IMMP2L: variants seen among roughly 807,000 people sequenced by gnomAD.
IMMP2L encodes mitochondrial inner membrane protease subunit 2.
Under a neutral mutation model 19.3 loss-of-function variants are expected in IMMP2L, and 18 were observed. The observed-to-expected ratio is 0.93, with a 90% CI of 0.64 to 1.38. The LOEUF (loss-of-function observed/expected upper bound fraction) is 1.38, where lower values mean the gene tolerates loss of function less well. IMMP2L is among the 40% of genes most tolerant of loss of function. The pLI is 0.00. For synonymous variants in IMMP2L, 76 were observed against 73.0 expected (o/e 1.04, Z -0.21); for missense variants, 233 against 218.2 (o/e 1.07, Z -0.43).
chr7:111,060,565 A>T (rs780899948), intron 3 of IMMP2L, among the ~76,000 whole-genome samples: 3 of 152,208 alleles, frequency 2.0e-5, no homozygotes, highest in Non-Finnish European at 4.4e-5. Context: ...TTCTGGCTCC[A>T]GGACTTACTG....
chr7:110,726,186 A>G (rs1795872141), intron 5 of IMMP2L, among the ~76,000 whole-genome samples: 1 of 152,220 alleles, frequency 6.6e-6, no homozygotes, highest in Non-Finnish European at 1.5e-5. Context: ...TGGAGGGAAT[A>G]ATAGCATATC....
Position 110,780,472 on chromosome 7 carries a change from G to C in IMMP2L, c.408+106121C>G, listed in dbSNP as rs376867911. Among the ~76,000 whole-genome samples the C allele has an allele frequency of 4.0e-5, 6 of 151,706 alleles. No individual in the cohort carries two copies. The East Asian group carries it at 9.8e-4, about 25-fold the overall frequency. On this transcript the variant is annotated intron_variant, in intron 5 of 5. Coordinates refer to ENST00000405709, the MANE Select transcript of IMMP2L (RefSeq NM_032549.4). ...GAGCTAATTCCCACATATAAACTGA[G>C]AGTACATTCAGAGGTAAATTTTCAA... is the stretch of plus-strand genomic sequence containing the variant.
intron 3 of IMMP2L, among the ~76,000 whole-genome samples, chr7:110,989,476 G>A (rs1044998394): frequency 3.3e-5 from 5 of 149,562 alleles, no homozygotes; most frequent in Non-Finnish European, 5.9e-5. Flanking sequence ...GAGCCTAGGA[G>A]GTCAAGGATG....
At chr7:111,316,410 C>A (rs1271341251) in intron 3 of IMMP2L, among the ~76,000 whole-genome samples, 1 of 152,000 alleles carries the variant, frequency 6.6e-6, no homozygotes, top group Non-Finnish European at 1.5e-5. Context: ...TAAGAGCCAA[C>A]AAAGTAAAAT....
At chr7:111,264,795 T>A (rs1452917083) in intron 3 of IMMP2L, among the ~76,000 whole-genome samples, 2 of 151,694 alleles carry the variant, frequency 1.3e-5, no homozygotes, top group African/African-American at 4.8e-5. Context: ...TTGGTAAATG[T>A]GGCTCAGGGT....
intron 3 of IMMP2L, among the ~76,000 whole-genome samples, chr7:111,063,347 C>T (rs1175575339): frequency 6.6e-6 from 1 of 152,164 alleles, no homozygotes; most frequent in Non-Finnish European, 1.5e-5. Context: ...CAGCACACAG[C>T]ACAGTGACTC....
At chr7:111,350,505 G>A (rs563918385) in intron 3 of IMMP2L, among the ~76,000 whole-genome samples, 1 of 152,120 alleles carries the variant, frequency 6.6e-6, no homozygotes, top group East Asian at 1.9e-4. Context: ...ACACTGTAAT[G>A]TTACAATATT....
chr7:110,817,262 A>T (rs191280845), intron 5 of IMMP2L, among the ~76,000 whole-genome samples: 1 of 152,150 alleles, frequency 6.6e-6, no homozygotes, highest in African/African-American at 2.4e-5. Flanking sequence ...ACTTCAGCAA[A>T]GTCTCAGGAT....
chr7:111,121,556 C>G (rs1382228790), intron 3 of IMMP2L, among the ~76,000 whole-genome samples: 1 of 152,106 alleles, frequency 6.6e-6, no homozygotes, highest in East Asian at 1.9e-4. Flanking sequence ...GTTAGAATGG[C>G]AATCATTAAA....
At chr7:111,446,108 A>C (rs1838368992) in intron 3 of IMMP2L, among the ~76,000 whole-genome samples, 1 of 150,108 alleles carries the variant, frequency 6.7e-6, no homozygotes, top group Admixed American at 6.7e-5. Context: ...ATCAAACTGC[A>C]AGGCGGCAGC....
intron 3 of IMMP2L, among the ~76,000 whole-genome samples, chr7:111,122,256 AAGAT>A (rs1181954385): frequency 6.6e-6 from 1 of 152,208 alleles, no homozygotes; most frequent in Non-Finnish European, 1.5e-5. Flanking sequence ...AGTCATGAAA[AAGAT>A]AAAGTCACCA....
At chr7:110,814,779 A>G (rs989215284) in intron 5 of IMMP2L, among the ~76,000 whole-genome samples, 3 of 151,064 alleles carry the variant, frequency 2.0e-5, no homozygotes, top group African/African-American at 7.3e-5. Flanking sequence ...CTCAGAAAGA[A>G]ACCTCATTAC....
intron 3 of IMMP2L, among the ~76,000 whole-genome samples, chr7:111,368,014 A>G (rs1829938040): frequency 6.6e-6 from 1 of 151,886 alleles, no homozygotes. Flanking sequence ...TTATTAAGTA[A>G]TTAAGATGCC....
intron 3 of IMMP2L, among the ~76,000 whole-genome samples, chr7:111,477,040 T>G (rs911147930): frequency 2.1e-4 from 32 of 152,216 alleles, no homozygotes; most frequent in Admixed American, 2.1e-3. Context: ...GGAATCTGCT[T>G]GGAAACCAAA....
At chr7:110,703,978 T>C (rs1474359609) in intron 5 of IMMP2L, among the ~76,000 whole-genome samples, 1 of 151,956 alleles carries the variant, frequency 6.6e-6, no homozygotes, top group Non-Finnish European at 1.5e-5. Flanking sequence ...CCCGAGTAGC[T>C]GGGACTACAG....
At chr7:110,962,884 G>C in intron 4 of IMMP2L, 1 of 1,321,428 alleles carries the variant, frequency 7.6e-7, no homozygotes, top group Non-Finnish European at 9.6e-7. Flanking sequence ...TTTAAAGAAA[G>C]CGATCACAAT....
rs531109524 is a variant in IMMP2L, at chr7:111,285,235, A to T, written c.239+202003T>A. On this transcript the variant is annotated intron_variant, in intron 3 of 5. Coordinates refer to ENST00000405709, the MANE Select transcript of IMMP2L (RefSeq NM_032549.4). ...TGCAATTACAGAGGGCTTTTAGTAC[A>T]ATGTAACAGCCTAACAAACGACCTC... Among the ~76,000 whole-genome samples, 59 of 152,320 alleles carry T rather than the reference A, an allele frequency of 3.9e-4. No individual in the cohort carries two copies. In the South Asian group the frequency reaches 0.012, roughly 32 times the overall value.
chr7:110,956,225 A>G (rs1439703719), intron 4 of IMMP2L, among the ~76,000 whole-genome samples: 1 of 152,060 alleles, frequency 6.6e-6, no homozygotes, highest in Non-Finnish European at 1.5e-5. Flanking sequence ...CTCAAAGACA[A>G]ATTGTCATTT....
intron 3 of IMMP2L, among the ~76,000 whole-genome samples, chr7:111,366,271 CA>C (rs2131045055): frequency 6.7e-6 from 1 of 148,270 alleles, no homozygotes; most frequent in South Asian, 2.1e-4. Context: ...GCTAGGAATG[CA>C]AAATCTGAAC....
Sources: allele counts gnomAD v4.1 joint callset (sites outside exome capture counted in the v4.1 genomes callset), GRCh38; gene constraint gnomAD v4.1.1; transcripts MANE v1.5; gene names NCBI Gene and HGNC (gene_info 2026-07-23, HGNC 2026-07-21).